TAF3: variants seen among roughly 807,000 people sequenced by gnomAD.
TAF3 encodes the protein TATA-box binding protein associated factor 3.
A neutral mutation model predicts 80.6 loss-of-function variants in TAF3; 7 were observed. The observed-to-expected ratio is 0.09, with a 90% CI of 0.05 to 0.16. TAF3 has a LOEUF of 0.16. Among genes scored for constraint, TAF3 ranks in the 10% least tolerant of loss-of-function variants. TAF3 has a pLI of 1.00. For missense variants in TAF3, 921 were observed against 1,140.2 expected, an observed-to-expected ratio of 0.81 and a Z score of 2.77; for synonymous variants, 444 against 446.1, an observed-to-expected ratio of 1.00 and a Z score of 0.06.
intron 2 of TAF3, among the ~76,000 whole-genome samples, chr10:7,955,867 A>G (rs1408525069): frequency 6.6e-6 from 1 of 152,150 alleles, no homozygotes; most frequent in Non-Finnish European, 1.5e-5. Context: ...GAAAATTGAA[A>G]TGGAGTTTGT....
At chr10:7,846,199 T>C (rs1019703292) in intron 2 of TAF3, among the ~76,000 whole-genome samples, 12 of 152,234 alleles carry the variant, frequency 7.9e-5, no homozygotes, top group Admixed American at 3.9e-4. Flanking sequence ...CCTCGTGATC[T>C]GCCCGCCTTG....
intron 2 of TAF3, among the ~76,000 whole-genome samples, chr10:7,960,307 C>T (rs9633771): frequency 1.3e-5 from 2 of 151,898 alleles, no homozygotes; most frequent in African/African-American, 2.4e-5. Flanking sequence ...ATAGCAAAAG[C>T]GAGGGAGGGA....
At chr10:7,911,401 T>C (rs889956801) in intron 2 of TAF3, among the ~76,000 whole-genome samples, 4 of 152,266 alleles carry the variant, frequency 2.6e-5, no homozygotes, top group Non-Finnish European at 5.9e-5. Flanking sequence ...GAACACTTGC[T>C]TCTGAGTTTC....
intron 2 of TAF3, among the ~76,000 whole-genome samples, chr10:7,950,056 G>A (rs1013757547): frequency 3.3e-5 from 5 of 152,198 alleles, no homozygotes; most frequent in Non-Finnish European, 7.3e-5. Context: ...CACTGCTGGA[G>A]AAAGTACTTA....
intron 2 of TAF3, among the ~76,000 whole-genome samples, chr10:7,947,444 A>G (rs1838036286): frequency 6.6e-6 from 1 of 152,144 alleles, no homozygotes. Context: ...TAGCTAAGCA[A>G]ACATTCTGTG....
At chr10:7,939,785 G>C (rs1228484874) in intron 2 of TAF3, among the ~76,000 whole-genome samples, 1 of 152,096 alleles carries the variant, frequency 6.6e-6, no homozygotes, top group Non-Finnish European at 1.5e-5. Context: ...GTTAGATAAA[G>C]AGAGGAACGA....
chr10:7,843,399 G>A (rs372613300), intron 2 of TAF3, among the ~76,000 whole-genome samples: 1 of 152,050 alleles, frequency 6.6e-6, no homozygotes, highest in East Asian at 1.9e-4. Context: ...ATGAGCCACC[G>A]TTCCCAGCTT....
intron 1 of TAF3, among the ~76,000 whole-genome samples, chr10:7,823,558 C>A (rs927200746): frequency 1.3e-5 from 2 of 151,966 alleles, no homozygotes; most frequent in African/African-American, 4.8e-5. Flanking sequence ...ATCGCTTGAG[C>A]CTAGAAGTTT....
intron 2 of TAF3, among the ~76,000 whole-genome samples, chr10:7,826,316 C>G (rs577581768): frequency 6.6e-6 from 1 of 152,076 alleles, no homozygotes; most frequent in Non-Finnish European, 1.5e-5. Flanking sequence ...TTATAGCATG[C>G]AAATATTCCA....
chr10:7,896,361 G>T (rs180895926), intron 2 of TAF3, among the ~76,000 whole-genome samples: 43 of 152,292 alleles, frequency 2.8e-4, no homozygotes, highest in African/African-American at 8.7e-4. Flanking sequence ...GCTGTCCTGT[G>T]CAACTACTCC....
At chr10:7,840,911 G>A (rs553117160) in intron 2 of TAF3, among the ~76,000 whole-genome samples, 63 of 151,576 alleles carry the variant, frequency 4.2e-4, no homozygotes, top group South Asian at 3.5e-3. Flanking sequence ...GTGCAATGGC[G>A]TGATCTCGGC....
intron 2 of TAF3, among the ~76,000 whole-genome samples, chr10:7,876,957 G>A (rs186084096): frequency 2.3e-4 from 35 of 150,796 alleles, no homozygotes; most frequent in Non-Finnish European, 1.0e-4. Flanking sequence ...AAATAAAACT[G>A]TCATCCTGAT....
At chr10:7,989,231 C>CT (rs1195601611) in intron 4 of TAF3, among the ~76,000 whole-genome samples, 1 of 151,826 alleles carries the variant, frequency 6.6e-6, no homozygotes, top group African/African-American at 2.4e-5. Context: ...ATTGGCCTGG[C>CT]TTATATGTGT....
intron 2 of TAF3, among the ~76,000 whole-genome samples, chr10:7,855,337 A>T (rs1006204455): frequency 6.6e-6 from 1 of 152,218 alleles, no homozygotes; most frequent in Admixed American, 6.5e-5. Flanking sequence ...AGGGCCAAAC[A>T]AAGGGACCGT....
intron 1 of TAF3, among the ~76,000 whole-genome samples, chr10:7,820,213 A>C (rs1459613087): frequency 6.6e-6 from 1 of 151,828 alleles, no homozygotes. Context: ...GCTCTAGGGA[A>C]CTCATGTTAT....
intron 2 of TAF3, among the ~76,000 whole-genome samples, chr10:7,904,681 T>C (rs1402078178): frequency 6.6e-6 from 1 of 152,204 alleles, no homozygotes; most frequent in Non-Finnish European, 1.5e-5. Context: ...ACATTGCAAC[T>C]GGCAGGTGGG....
chr10:7,995,667 A>G (rs558827558), intron 4 of TAF3, among the ~76,000 whole-genome samples: 3 of 152,170 alleles, frequency 2.0e-5, no homozygotes, highest in Admixed American at 2.0e-4. Context: ...TCATTTTTCA[A>G]ATAGGTCATG....
At chr10:7,908,652 C>G (rs1253201109) in intron 2 of TAF3, among the ~76,000 whole-genome samples, 1 of 152,188 alleles carries the variant, frequency 6.6e-6, no homozygotes, top group Non-Finnish European at 1.5e-5. Flanking sequence ...TCCAGCTAAC[C>G]CTATGCCACC....
intron 2 of TAF3, among the ~76,000 whole-genome samples, chr10:7,843,998 C>G (rs527429962): frequency 6.6e-6 from 1 of 152,220 alleles, no homozygotes; most frequent in African/African-American, 2.4e-5. Flanking sequence ...AATTAAATGT[C>G]AAAGAATGTT....
Sources: allele counts gnomAD v4.1 joint callset (sites outside exome capture counted in the v4.1 genomes callset), GRCh38; gene constraint gnomAD v4.1.1; transcripts MANE v1.5; gene names NCBI Gene and HGNC (gene_info 2026-07-23, HGNC 2026-07-21).